The following LARS2 variants were observed in gnomAD, a reference collection of about 807,000 sequenced individuals.
LARS2 encodes leucyl-tRNA synthetase 2, mitochondrial, also known as leucine--tRNA ligase, mitochondrial.
LARS2 carries 81 observed loss-of-function variants against 116.6 expected under a neutral mutation model. The observed-to-expected ratio is 0.69, with a 90% CI of 0.58 to 0.84. The LOEUF (loss-of-function observed/expected upper bound fraction) is 0.84, where lower values mean the gene tolerates loss of function less well. Ranked by LOEUF, LARS2 falls within the 40% of genes least tolerant of loss-of-function variation. LARS2 has a pLI of 0.00. For missense variants in LARS2, 968 were observed against 1,114.5 expected, an observed-to-expected ratio of 0.87 and a Z score of 1.87; for synonymous variants, 396 against 407.2, an observed-to-expected ratio of 0.97 and a Z score of 0.33.
intron 10 of LARS2, among the ~76,000 whole-genome samples, chr3:45,482,181 G>A (rs756246527): frequency 3.9e-5 from 6 of 151,990 alleles, no homozygotes; most frequent in Non-Finnish European, 4.4e-5. Flanking sequence ...GTTTTCATGC[G>A]GGCTTCACAA....
Position 45,517,891 on chromosome 3 carries a change from T to C in LARS2, c.2045-12T>C, listed in dbSNP as rs765200439. 3 of 1,607,482 alleles carry C rather than the reference T, an allele frequency of 1.9e-6. No homozygotes were observed. The highest frequency in any genetic ancestry group is 2.5e-6 in the Non-Finnish European group (3 of 1,176,842). ...ACGCTCTCTCTTTCTCATTTACTGA[T>C]GCTGAATTCAGCTGATGCTCTCCCT... On this transcript the variant is annotated splice_polypyrimidine_tract_variant and intron_variant, in intron 17 of 21. Transcript: ENST00000645846.
chr3:45,505,103 A>C (rs1004017608), intron 15 of LARS2, among the ~76,000 whole-genome samples: 41 of 151,954 alleles, frequency 2.7e-4, no homozygotes, highest in Middle Eastern at 3.4e-3. Flanking sequence ...AAAAGCAAAG[A>C]AAAGAAAAAG....
At chr3:45,509,556 A>T (rs1700252258) in intron 15 of LARS2, 1 of 152,030 alleles carries the variant, frequency 6.6e-6, no homozygotes, top group Admixed American at 6.6e-5. Flanking sequence ...GCCTGTTCTT[A>T]TTGTAAGCTC....
intron 1 of LARS2, 90 bp from the exon 2 acceptor site, chr3:45,391,493 A>C (rs1697948090): frequency 6.6e-6 from 1 of 151,778 alleles, no homozygotes; most frequent in Non-Finnish European, 1.5e-5. Flanking sequence ...CAAAAAAAAA[A>C]AAAACAAAAT....
chr3:45,544,506 GCGC>G (rs567559643), intron 21 of LARS2, among the ~76,000 whole-genome samples: 7 of 152,322 alleles, frequency 4.6e-5, no homozygotes, highest in African/African-American at 1.7e-4. Flanking sequence ...TACAGAGTGA[GCGC>G]CGACCCAGGG....
intron 7 of LARS2, among the ~76,000 whole-genome samples, chr3:45,454,567 A>C (rs1368142903): frequency 6.6e-6 from 1 of 152,162 alleles, no homozygotes; most frequent in Non-Finnish European, 1.5e-5. Flanking sequence ...TGTTAATTTA[A>C]GGTTCATTTC....
rs551940744 is a variant in LARS2, at chr3:45,400,085, T to A, written c.235-160T>A. 2.6e-5 allele frequency among the ~76,000 whole-genome samples: 4 copies of A among 152,344 alleles called. No homozygotes were observed. The East Asian group carries it at 7.7e-4, about 29-fold the overall frequency. ...CTTAAACCAGGGCTTTGAATTTTGC[T>A]TTTTGACATTTTAATTGATTTACAT... On this transcript the variant is annotated intron_variant, in intron 3 of 21. Coordinates refer to ENST00000645846, the MANE Select transcript of LARS2 (RefSeq NM_015340.4).
intron 13 of LARS2, among the ~76,000 whole-genome samples, chr3:45,493,364 G>A (rs1699957287): frequency 6.6e-6 from 1 of 152,202 alleles, no homozygotes; most frequent in Non-Finnish European, 1.5e-5. Context: ...CTCCCAAAGT[G>A]CTGGGATTAC....
chr3:45,541,238 CA>C (rs1700791368), intron 20 of LARS2, among the ~76,000 whole-genome samples: 10 of 152,246 alleles, frequency 6.6e-5, no homozygotes, highest in African/African-American at 2.4e-4. Context: ...TTTCATTCCT[CA>C]GTGTTTCCTC....
intron 4 of LARS2, among the ~76,000 whole-genome samples, chr3:45,403,468 C>G (rs180732322): frequency 1.3e-5 from 2 of 152,066 alleles, no homozygotes; most frequent in Admixed American, 1.3e-4. Flanking sequence ...AGGCACCCAC[C>G]ACCACACTCA....
intron 1 of LARS2, 99 bp downstream of exon 1, chr3:45,388,779 G>A (rs375761741): frequency 2.6e-5 from 4 of 152,358 alleles, no homozygotes; most frequent in Admixed American, 6.5e-5. Flanking sequence ...AGGAAGGGAA[G>A]GTGCGGGCTG....
chr3:45,545,959 G>GGAAAA (rs1700869246), intron 21 of LARS2, among the ~76,000 whole-genome samples: 2 of 147,110 alleles, frequency 1.4e-5, no homozygotes, highest in African/African-American at 5.0e-5. Context: ...CTGTCCTTAA[G>GGAAAA]GAAAAAAAAA....
At chr3:45,543,848 T>C (rs1463910178) in intron 21 of LARS2, among the ~76,000 whole-genome samples, 4 of 152,176 alleles carry the variant, frequency 2.6e-5, no homozygotes, top group Non-Finnish European at 5.9e-5. Flanking sequence ...CTCAGCCCGG[T>C]TGAGAAATGC....
chr3:45,418,089 C>T (rs952078089), intron 5 of LARS2, among the ~76,000 whole-genome samples: 2 of 152,144 alleles, frequency 1.3e-5, no homozygotes, highest in Non-Finnish European at 2.9e-5. Context: ...GCAATCCCAC[C>T]CAAGCCTCAG....
chr3:45,510,698 G>A (rs944870287), intron 15 of LARS2, among the ~76,000 whole-genome samples: 5 of 152,170 alleles, frequency 3.3e-5, no homozygotes, highest in African/African-American at 1.2e-4. Flanking sequence ...AGAGCAGAGG[G>A]AGTGGCAGGG....
At chr3:45,430,272 A>ATT (rs58555987) in intron 6 of LARS2, among the ~76,000 whole-genome samples, 3,626 of 96,740 alleles carry the variant, frequency 0.037, 96 homozygotes, top group East Asian at 0.14. Context: ...GCACCCGGCC[A>ATT]TTTTTTTTTT....
chr3:45,504,215 G>A (rs1382649863), intron 15 of LARS2, among the ~76,000 whole-genome samples: 1 of 151,848 alleles, frequency 6.6e-6, no homozygotes. Context: ...ATAATTGGGA[G>A]CATATATGTA....
chr3:45,415,853 A>G (rs1431527169), intron 4 of LARS2, among the ~76,000 whole-genome samples: 6 of 100,434 alleles, frequency 6.0e-5, no homozygotes, highest in African/African-American at 1.1e-4. Context: ...ATCTCAAAAA[A>G]AAAAAAAATA....
At chr3:45,504,151 C>T (rs1022674891) in intron 15 of LARS2, among the ~76,000 whole-genome samples, 5 of 151,934 alleles carry the variant, frequency 3.3e-5, no homozygotes, top group African/African-American at 1.2e-4. Flanking sequence ...ACCTATTCTT[C>T]CAATTACTAT....
Sources: allele counts gnomAD v4.1 joint callset (sites outside exome capture counted in the v4.1 genomes callset), GRCh38; gene constraint gnomAD v4.1.1; transcripts MANE v1.5; gene names NCBI Gene and HGNC (gene_info 2026-07-23, HGNC 2026-07-21).